Variants in EEF1AKMT1 observed in about 807,000 individuals in gnomAD.
EEF1AKMT1 encodes EEF1A lysine methyltransferase 1.
Under a neutral mutation model 21.0 loss-of-function variants are expected in EEF1AKMT1, and 18 were observed. The ratio of observed to expected loss-of-function variants is 0.86; its 90% confidence interval spans 0.59 to 1.27. The LOEUF is 1.27. EEF1AKMT1 is among the 50% of genes most tolerant of loss of function. The pLI, the probability that EEF1AKMT1 is intolerant of heterozygous loss-of-function variation, is 0.00. For synonymous variants in EEF1AKMT1, 109 were observed against 94.8 expected (o/e 1.15, Z -0.87); for missense variants, 246 against 258.6 (o/e 0.95, Z 0.33).
intron 3 of EEF1AKMT1, among the ~76,000 whole-genome samples, 165 bp from the exon 4 acceptor site, chr13:20,732,286 G>T (rs183671628): frequency 6.6e-6 from 1 of 152,240 alleles, no homozygotes; most frequent in Non-Finnish European, 1.5e-5. Flanking sequence ...ACTTTATAGT[G>T]TCTCACTTTT....
At chr13:20,757,043 A>G (rs1350646855) in intron 2 of EEF1AKMT1, among the ~76,000 whole-genome samples, 1 of 152,142 alleles carries the variant, frequency 6.6e-6, no homozygotes, top group Non-Finnish European at 1.5e-5. Context: ...ACGCAGTAGA[A>G]GAACTTGGGA....
At chr13:20,735,399 C>T (rs932093525) in intron 3 of EEF1AKMT1, among the ~76,000 whole-genome samples, 8 of 152,096 alleles carry the variant, frequency 5.3e-5, no homozygotes, top group East Asian at 1.9e-4. Flanking sequence ...AAGGAAGATG[C>T]CAGGCACAGC....
intron 2 of EEF1AKMT1, among the ~76,000 whole-genome samples, chr13:20,738,883 A>T (rs542449937): frequency 7.3e-5 from 11 of 151,104 alleles, no homozygotes; most frequent in African/African-American, 2.2e-4. Context: ...CGCAACGAAA[A>T]TGTTCTAAAA....
intron 1 of EEF1AKMT1, among the ~76,000 whole-genome samples, chr13:20,770,242 G>GT (rs2141442708): frequency 6.6e-6 from 1 of 151,202 alleles, no homozygotes; most frequent in African/African-American, 2.4e-5. Flanking sequence ...TTTATATGAA[G>GT]TATCTAGAGT....
intron 1 of EEF1AKMT1, among the ~76,000 whole-genome samples, chr13:20,771,622 C>T (rs2059063057): frequency 1.3e-5 from 2 of 152,136 alleles, no homozygotes; most frequent in African/African-American, 4.8e-5. Flanking sequence ...TTTTAGGAAT[C>T]GTAGAAGTTT....
intron 1 of EEF1AKMT1, among the ~76,000 whole-genome samples, chr13:20,763,839 G>C (rs1310608047): frequency 6.6e-6 from 1 of 152,168 alleles, no homozygotes; most frequent in Non-Finnish European, 1.5e-5. Flanking sequence ...CATATGGGGT[G>C]AGTTCTCGTA....
intron 1 of EEF1AKMT1, among the ~76,000 whole-genome samples, chr13:20,758,848 G>C (rs897506810): frequency 1.3e-5 from 2 of 152,044 alleles, no homozygotes; most frequent in African/African-American, 4.8e-5. Context: ...ATACAATAGA[G>C]AACCCAGAAA....
At chr13:20,734,801 C>T (rs981791867) in intron 3 of EEF1AKMT1, among the ~76,000 whole-genome samples, 1 of 151,752 alleles carries the variant, frequency 6.6e-6, no homozygotes, top group Non-Finnish European at 1.5e-5. Context: ...CTTCCAAGGC[C>T]CTCATATTAG....
intron 2 of EEF1AKMT1, among the ~76,000 whole-genome samples, chr13:20,748,910 A>C (rs2058925980): frequency 6.6e-6 from 1 of 151,670 alleles, no homozygotes; most frequent in Non-Finnish European, 1.5e-5. Context: ...TTGTATTTTG[A>C]GTAGACATGG....
intron 2 of EEF1AKMT1, among the ~76,000 whole-genome samples, chr13:20,740,289 C>T (rs2058861993): frequency 1.3e-5 from 2 of 152,242 alleles, no homozygotes; most frequent in South Asian, 4.1e-4. Context: ...ACGCACAGCC[C>T]CAGTTTCCGC....
intron 4 of EEF1AKMT1, among the ~76,000 whole-genome samples, chr13:20,730,587 G>A (rs1157569013): frequency 6.6e-6 from 1 of 152,078 alleles, no homozygotes; most frequent in Non-Finnish European, 1.5e-5. Flanking sequence ...CTGTAGTCTC[G>A]ACCTTCAGAG....
intron 3 of EEF1AKMT1, among the ~76,000 whole-genome samples, chr13:20,733,172 T>C (rs2058807857): frequency 1.3e-5 from 2 of 149,256 alleles, no homozygotes; most frequent in South Asian, 4.2e-4. Flanking sequence ...TTCGGCTCAC[T>C]GAAACCTCTG....
At chr13:20,743,190 C>A (rs2141420466) in intron 2 of EEF1AKMT1, among the ~76,000 whole-genome samples, 1 of 152,162 alleles carries the variant, frequency 6.6e-6, no homozygotes, top group Admixed American at 6.5e-5. Context: ...CCTCAGCCTC[C>A]CAAGTAGCTG....
In EEF1AKMT1 at chr13:20,729,991, C is replaced by T. The variant is rs566865472; in HGVS notation, c.509-775G>A. Among the ~76,000 whole-genome samples the T allele has an allele frequency of 3.3e-5, 5 of 152,356 alleles. 1 individual carries two copies. In the East Asian group the frequency reaches 9.7e-4, roughly 29 times the overall value. On this transcript the variant is annotated intron_variant, in intron 4 of 4. Coordinates refer to ENST00000382758, the MANE Select transcript of EEF1AKMT1 (RefSeq NM_001318939.2). ...GAAGAAAACCCCAATGCCCACGGTC[C>T]CCTGTTAGGCACTGGGGGCCTCCTG...
intron 2 of EEF1AKMT1, 71 bp downstream of exon 2, chr13:20,757,384 A>G: frequency 6.5e-7 from 1 of 1,543,886 alleles, no homozygotes; most frequent in Non-Finnish European, 8.8e-7. Flanking sequence ...GAGACAGACA[A>G]ACACTGGACT....
chr13:20,733,870 C>T (rs974564845), intron 3 of EEF1AKMT1, among the ~76,000 whole-genome samples: 7 of 152,210 alleles, frequency 4.6e-5, no homozygotes, highest in African/African-American at 1.7e-4. Context: ...AAATGTGTGA[C>T]GCATTTCCAA....
chr13:20,763,374 T>C (rs995285524), intron 1 of EEF1AKMT1, among the ~76,000 whole-genome samples: 3 of 152,108 alleles, frequency 2.0e-5, no homozygotes, highest in Non-Finnish European at 4.4e-5. Flanking sequence ...GCAAAGGTAA[T>C]TGCTGTTTCT....
At chr13:20,741,132 T>G (rs1259926814) in intron 2 of EEF1AKMT1, among the ~76,000 whole-genome samples, 1 of 151,936 alleles carries the variant, frequency 6.6e-6, no homozygotes, top group Non-Finnish European at 1.5e-5. Context: ...TATGTATGCC[T>G]TCTGGATATG....
chr13:20,744,247 G>A (rs545990068), intron 2 of EEF1AKMT1, among the ~76,000 whole-genome samples: 2 of 152,180 alleles, frequency 1.3e-5, no homozygotes, highest in African/African-American at 4.8e-5. Flanking sequence ...CTAGAGCCTT[G>A]AGGAATCGCC....
Sources: gnomAD v4.1 joint callset for allele counts (sites outside exome capture counted in the v4.1 genomes callset) on GRCh38, gnomAD v4.1.1 for gene constraint, MANE v1.5 for transcripts, NCBI Gene and HGNC (gene_info 2026-07-23, HGNC 2026-07-21) for gene names.